The following ZNF438 variants were observed in gnomAD, a reference collection of about 807,000 sequenced individuals.
The protein encoded by ZNF438 is zinc finger protein 438.
ZNF438 carries 25 observed loss-of-function variants against 38.0 expected under a neutral mutation model. The observed-to-expected ratio is 0.66, with a 90% CI of 0.48 to 0.92. The LOEUF is 0.92. Among genes scored for constraint, ZNF438 ranks in the 40% least tolerant of loss-of-function variants. The pLI, the probability that ZNF438 is intolerant of heterozygous loss-of-function variation, is 0.00. For missense variants in ZNF438, 1,007 were observed against 999.6 expected (o/e 1.01, Z -0.10); for synonymous variants, 372 against 364.1 (o/e 1.02, Z -0.25).
At chr10:30,904,614 T>C (rs1226150743) in intron 3 of ZNF438, among the ~76,000 whole-genome samples, 4 of 152,140 alleles carry the variant, frequency 2.6e-5, no homozygotes, top group East Asian at 3.9e-4. Flanking sequence ...CCATAACACA[T>C]TGATGAGGTT....
intron 1 of ZNF438, among the ~76,000 whole-genome samples, chr10:30,946,686 T>A (rs2047450804): frequency 6.6e-6 from 1 of 152,250 alleles, no homozygotes; most frequent in Non-Finnish European, 1.5e-5. Context: ...ATGATTGCTG[T>A]CTTTAGAATA....
At chr10:31,015,906 TA>T (rs1456161904) in intron 1 of ZNF438, among the ~76,000 whole-genome samples, 1 of 152,174 alleles carries the variant, frequency 6.6e-6, no homozygotes, top group Non-Finnish European at 1.5e-5. Flanking sequence ...CCTCTCCTTA[TA>T]GGGGCACCAG....
At chr10:30,876,832 A>G (rs1408432954) in intron 4 of ZNF438, among the ~76,000 whole-genome samples, 166 bp downstream of exon 5, 1 of 152,196 alleles carries the variant, frequency 6.6e-6, no homozygotes, top group African/African-American at 2.4e-5. Context: ...GAATCCATAT[A>G]CACTCAAATT....
At chr10:31,017,394 T>C (rs965187163) in intron 1 of ZNF438, among the ~76,000 whole-genome samples, 1 of 152,246 alleles carries the variant, frequency 6.6e-6, no homozygotes, top group African/African-American at 2.4e-5. Flanking sequence ...GCCTACTTCC[T>C]GCTGGTGCAA....
intron 2 of ZNF438, among the ~76,000 whole-genome samples, chr10:30,926,645 G>C (rs1301877763): frequency 6.7e-6 from 1 of 149,496 alleles, no homozygotes; most frequent in African/African-American, 2.5e-5. Flanking sequence ...CAGCCTGAGC[G>C]ACAGGGTGGA....
At chr10:30,992,498 T>C (rs555202522) in intron 1 of ZNF438, among the ~76,000 whole-genome samples, 14 of 151,498 alleles carry the variant, frequency 9.2e-5, no homozygotes, top group South Asian at 2.1e-4. Flanking sequence ...CTGCAACCTC[T>C]ACCTTCCAGG....
intron 1 of ZNF438, among the ~76,000 whole-genome samples, chr10:30,982,506 T>C (rs1460216303): frequency 6.6e-6 from 1 of 152,174 alleles, no homozygotes; most frequent in Non-Finnish European, 1.5e-5. Context: ...CATGAGACTG[T>C]TAACACCAAT....
At chr10:31,015,197 T>C (rs939005964) in intron 1 of ZNF438, among the ~76,000 whole-genome samples, 1 of 152,216 alleles carries the variant, frequency 6.6e-6, no homozygotes, top group African/African-American at 2.4e-5. Flanking sequence ...GTCATTATCA[T>C]AGCTGTCTTT....
intron 4 of ZNF438, among the ~76,000 whole-genome samples, chr10:30,866,414 G>T (rs977156908): frequency 6.6e-6 from 1 of 152,206 alleles, no homozygotes; most frequent in Admixed American, 6.5e-5. Context: ...TTACAAGAAA[G>T]AACTTCTAAC....
chr10:30,943,993 A>G (rs2047097317), intron 1 of ZNF438, among the ~76,000 whole-genome samples: 1 of 152,214 alleles, frequency 6.6e-6, no homozygotes, highest in Non-Finnish European at 1.5e-5. Context: ...ACAATAGAGC[A>G]TAAGGTCCAA....
In ZNF438 at chr10:30,948,403, T is replaced by C. The variant is rs892944734; in HGVS notation, c.-191-6752A>G. Among the ~76,000 whole-genome samples the C allele has an allele frequency of 9.3e-3, 1,422 of 152,296 alleles. 20 individuals are homozygous for C. Among genetic ancestry groups the C allele is most frequent in the African/African-American group, 0.032 (1,318 of 41,564 alleles). On this transcript the variant is annotated intron_variant, in intron 1 of 5. Coordinates refer to ENST00000413025, the Ensembl canonical transcript of ZNF438. The stretch of plus-strand genomic sequence containing the variant: ...CAACGGAACAAAGCTGGATGGAGAA[T>C]GACTTCGACGAGCTGAGAGAAGAAG...
chr10:30,969,829 GT>G (rs146309850), intron 1 of ZNF438, among the ~76,000 whole-genome samples: 5 of 149,308 alleles, frequency 3.3e-5, no homozygotes, highest in South Asian at 4.3e-4. Context: ...AGTTTTTATT[GT>G]TTTTTTTTCA....
chr10:31,021,473 T>G, intron 1 of ZNF438, among the ~76,000 whole-genome samples: 1 of 152,212 alleles, frequency 6.6e-6, no homozygotes, highest in East Asian at 1.9e-4. Flanking sequence ...GTGCAAACGT[T>G]CATTGCAGGT....
chr10:30,967,902 T>C (rs1010593195), intron 1 of ZNF438, among the ~76,000 whole-genome samples: 1 of 152,186 alleles, frequency 6.6e-6, no homozygotes, highest in Non-Finnish European at 1.5e-5. Context: ...AACCCTTTCA[T>C]AGCTCTGTAC....
chr10:30,877,373 ACT>A (rs2038587961), intron 3 of ZNF438, among the ~76,000 whole-genome samples: 2 of 152,164 alleles, frequency 1.3e-5, no homozygotes. Flanking sequence ...CTGAAAATGT[ACT>A]CTCTGATAAT....
intron 1 of ZNF438, among the ~76,000 whole-genome samples, chr10:31,000,682 G>A (rs2054560393): frequency 6.6e-6 from 1 of 151,998 alleles, no homozygotes; most frequent in African/African-American, 2.4e-5. Context: ...ATGGTTGGCT[G>A]GCCAGAACTG....
At chr10:30,863,616 G>A (rs1186356174) in intron 4 of ZNF438, among the ~76,000 whole-genome samples, 1 of 152,222 alleles carries the variant, frequency 6.6e-6, no homozygotes, top group Non-Finnish European at 1.5e-5. Flanking sequence ...CAGATGAAGA[G>A]TATGTCAGAG....
At chr10:31,028,327 G>T (rs745968406) in intron 1 of ZNF438, among the ~76,000 whole-genome samples, 1 of 152,248 alleles carries the variant, frequency 6.6e-6, no homozygotes, top group Non-Finnish European at 1.5e-5. Flanking sequence ...TTTCTCTGGT[G>T]AGCCCTGTCA....
At chr10:30,851,005 A>G in intron 4 of ZNF438, among the ~76,000 whole-genome samples, 1 of 152,230 alleles carries the variant, frequency 6.6e-6, no homozygotes, top group Non-Finnish European at 1.5e-5. Context: ...CTGTTTCCCC[A>G]TGTGACTTAC....
Sources: allele counts gnomAD v4.1 joint callset (sites outside exome capture counted in the v4.1 genomes callset), GRCh38; gene constraint gnomAD v4.1.1; transcripts MANE v1.5; gene names NCBI Gene and HGNC (gene_info 2026-07-23, HGNC 2026-07-21).